VPS13A: variants seen among roughly 807,000 people sequenced by gnomAD.
VPS13A encodes the protein vacuolar protein sorting 13 homolog A.
A neutral mutation model predicts 390.9 loss-of-function variants in VPS13A; 264 were observed. The ratio of observed to expected loss-of-function variants is 0.68; its 90% confidence interval spans 0.61 to 0.75. The LOEUF is 0.75. VPS13A is among the 30% of genes least tolerant of loss of function. The pLI is 0.00. For missense variants in VPS13A, 3,409 were observed against 3,733.9 expected (o/e 0.91, Z 2.27); for synonymous variants, 1,231 against 1,227.1 (o/e 1.00, Z -0.07).
At chr9:77,291,162 G>A (rs1036664413) in intron 31 of VPS13A, among the ~76,000 whole-genome samples, 1 of 152,158 alleles carries the variant, frequency 6.6e-6, no homozygotes, top group African/African-American at 2.4e-5. Context: ...AGATCAGTGG[G>A]GGCATTAGAT....
chr9:77,317,257 T>A (rs1829452080), intron 39 of VPS13A, among the ~76,000 whole-genome samples: 1 of 151,974 alleles, frequency 6.6e-6, no homozygotes, highest in Non-Finnish European at 1.5e-5. Context: ...TCTCTCTTAG[T>A]TTTTGACTTA....
chr9:77,304,205 T>G (rs554367766), intron 34 of VPS13A, among the ~76,000 whole-genome samples: 13 of 152,318 alleles, frequency 8.5e-5, no homozygotes, highest in African/African-American at 3.1e-4. Flanking sequence ...TGTAAACATT[T>G]TGTTAACAAG....
intron 22 of VPS13A, among the ~76,000 whole-genome samples, chr9:77,254,593 G>T (rs1194517315): frequency 6.6e-6 from 1 of 152,120 alleles, no homozygotes; most frequent in Non-Finnish European, 1.5e-5. Flanking sequence ...AACAAAGAGT[G>T]TATCAAATCT....
In VPS13A at chr9:77,318,472, G is replaced by A; in HGVS notation, c.5194G>A (p.Val1732Ile). ...AATGAACATTGATTCTATTTTTATA[G>A]TTCTTGAGGCTGGAATTGGTCATAG... ...IKMNIDSIFI[V>I]LEAGIGHRTV... The change falls in exon 41 of 72, where the codon GTT becomes ATT. Residue 1732 changes from valine to isoleucine, a missense_variant. This residue lies in a region of VPS13A where 2,717 missense variants were observed against 2,917.4 expected (regional missense o/e 0.93). Transcript: ENST00000360280. 1 of 1,613,918 alleles carries A rather than the reference G, an allele frequency of 6.2e-7. No individual in the cohort carries two copies. Among genetic ancestry groups the A allele is most frequent in the Non-Finnish European group, 8.5e-7 (1 of 1,179,880 alleles).
intron 34 of VPS13A, among the ~76,000 whole-genome samples, chr9:77,304,665 A>G (rs944321009): frequency 6.6e-6 from 1 of 152,220 alleles, no homozygotes; most frequent in African/African-American, 2.4e-5. Context: ...CAAATGTGTC[A>G]CCACCTTAGT....
intron 27 of VPS13A, among the ~76,000 whole-genome samples, 167 bp from the exon 28 acceptor site, chr9:77,281,700 C>T (rs1033111955): frequency 6.6e-6 from 1 of 150,968 alleles, no homozygotes; most frequent in Non-Finnish European, 1.5e-5. Flanking sequence ...TCTGGTGAAG[C>T]GGTTGCTTAT....
chr9:77,194,424 G>C (rs1267638033), intron 1 of VPS13A, among the ~76,000 whole-genome samples: 1 of 152,076 alleles, frequency 6.6e-6, no homozygotes, highest in Non-Finnish European at 1.5e-5. Context: ...TTCTGTCTAG[G>C]TCCAATAGTC....
chr9:77,411,416 C>T (rs1445034985), intron 71 of VPS13A, among the ~76,000 whole-genome samples: 1 of 152,092 alleles, frequency 6.6e-6, no homozygotes, highest in Non-Finnish European at 1.5e-5. Flanking sequence ...GTAATCCCAG[C>T]ACTTTGGGAG....
chr9:77,356,142 G>T (rs1017896147), intron 54 of VPS13A, among the ~76,000 whole-genome samples: 2 of 152,090 alleles, frequency 1.3e-5, no homozygotes, highest in Non-Finnish European at 2.9e-5. Flanking sequence ...TATTCCTAAT[G>T]TGTTCCTGAC....
At chr9:77,407,437 C>T in intron 70 of VPS13A, 96 bp from the exon 71 acceptor site, 1 of 955,652 alleles carries the variant, frequency 1.0e-6, no homozygotes, top group East Asian at 2.4e-5. Context: ...ATAAGAGGGA[C>T]ACTTTAGGCA....
chr9:77,193,820 T>A (rs917038039), intron 1 of VPS13A, among the ~76,000 whole-genome samples: 23 of 152,166 alleles, frequency 1.5e-4, no homozygotes, highest in African/African-American at 5.1e-4. Context: ...TGCTTTTATA[T>A]TCTTGGATGC....
chr9:77,248,787 G>C (rs556051202), intron 20 of VPS13A, among the ~76,000 whole-genome samples: 1 of 151,820 alleles, frequency 6.6e-6, no homozygotes, highest in Non-Finnish European at 1.5e-5. Flanking sequence ...GCTGGAGTGC[G>C]GTGGCGTGAT....
intron 17 of VPS13A, among the ~76,000 whole-genome samples, chr9:77,236,332 T>A (rs887291431): frequency 7.9e-5 from 12 of 152,222 alleles, no homozygotes. Flanking sequence ...AGTGTAAGCT[T>A]ATTTAACATG....
At chr9:77,379,452 C>A (rs1833311004) in intron 67 of VPS13A, among the ~76,000 whole-genome samples, 1 of 152,176 alleles carries the variant, frequency 6.6e-6, no homozygotes, top group Non-Finnish European at 1.5e-5. Flanking sequence ...GTTGGTCAGG[C>A]TGATCTCGAA....
intron 67 of VPS13A, among the ~76,000 whole-genome samples, chr9:77,380,554 C>T (rs1473463671): frequency 6.6e-6 from 1 of 152,086 alleles, no homozygotes; most frequent in Non-Finnish European, 1.5e-5. Context: ...TCATGATCCG[C>T]CCGCCTCGGG....
At chr9:77,344,837 A>G (rs879625422) in intron 51 of VPS13A, among the ~76,000 whole-genome samples, 172 bp from the exon 52 acceptor site, 1 of 152,160 alleles carries the variant, frequency 6.6e-6, no homozygotes, top group Middle Eastern at 3.2e-3. Context: ...TATCTGTAAT[A>G]CAGTGATTGA....
chr9:77,347,144 C>T (rs569622483), intron 52 of VPS13A, among the ~76,000 whole-genome samples: 1 of 152,010 alleles, frequency 6.6e-6, no homozygotes, highest in Non-Finnish European at 1.5e-5. Flanking sequence ...GTTCTTTTTG[C>T]TTAGTATTGC....
chr9:77,290,016 A>C (rs1415321629), intron 31 of VPS13A, among the ~76,000 whole-genome samples: 2 of 152,134 alleles, frequency 1.3e-5, no homozygotes, highest in Non-Finnish European at 2.9e-5. Flanking sequence ...CTTTGACCTC[A>C]GGTGATTCAC....
chr9:77,352,209 G>A (rs1024746931), intron 53 of VPS13A, among the ~76,000 whole-genome samples: 3 of 152,156 alleles, frequency 2.0e-5, no homozygotes, highest in African/African-American at 7.2e-5. Context: ...TTTCTGAGTG[G>A]CAAGCTATGA....
Sources: allele counts gnomAD v4.1 joint callset (sites outside exome capture counted in the v4.1 genomes callset), GRCh38; gene constraint gnomAD v4.1.1; regional missense constraint gnomAD v4.1.1; transcripts MANE v1.5; gene names NCBI Gene and HGNC (gene_info 2026-07-23, HGNC 2026-07-21).